EMP2: variants seen among roughly 807,000 people sequenced by gnomAD.
EMP2 encodes epithelial membrane protein 2.
A neutral mutation model predicts 13.7 loss-of-function variants in EMP2; 19 were observed. The observed-to-expected ratio is 1.38, with a 90% CI of 0.97 to 2.03. The LOEUF (loss-of-function observed/expected upper bound fraction) is 2.03. EMP2 is among the 30% of genes most tolerant of loss of function. The probability of loss-of-function intolerance (pLI) is 0.00; values close to 1 mark genes in which losing one functional copy is unlikely to be tolerated. For synonymous variants in EMP2, 97 were observed against 84.7 expected, an observed-to-expected ratio of 1.15 and a Z score of -0.80; for missense variants, 253 against 220.7, an observed-to-expected ratio of 1.15 and a Z score of -0.93.
chr16:10,543,101 T>C (rs59436197), intron 3 of EMP2, among the ~76,000 whole-genome samples: 16,995 of 152,034 alleles, frequency 0.11, 1,599 homozygotes, highest in African/African-American at 0.25. Flanking sequence ...CCGCCTCTGC[T>C]TCCCAAAGTG....
chr16:10,535,769 G>A (rs2050642310), intron 4 of EMP2, among the ~76,000 whole-genome samples: 1 of 152,146 alleles, frequency 6.6e-6, no homozygotes, highest in Admixed American at 6.5e-5. Flanking sequence ...GTGAGGGTGG[G>A]GGGTCCACGC....
chr16:10,554,024 T>C (rs1242681390), intron 1 of EMP2, among the ~76,000 whole-genome samples: 2 of 129,434 alleles, frequency 1.5e-5, no homozygotes, highest in East Asian at 2.2e-4. Context: ...AAACCTTTTT[T>C]TTCTTTCTTT....
chr16:10,567,667 C>T (rs1228078044), intron 1 of EMP2, among the ~76,000 whole-genome samples: 1 of 152,142 alleles, frequency 6.6e-6, no homozygotes, highest in Non-Finnish European at 1.5e-5. Context: ...CTAAGACCCC[C>T]TGAGGAAAAG....
At chr16:10,538,199 T>C (rs1236502944) in intron 3 of EMP2, 125 bp from the exon 4 acceptor site, 1 of 1,189,736 alleles carries the variant, frequency 8.4e-7, no homozygotes, top group East Asian at 2.4e-5. Flanking sequence ...GTTCAGGCGG[T>C]CGTCTACATG....
rs1374121600 is a variant in EMP2 at position 10,528,695 on chromosome 16, G to A, written c.*4210C>T. ...TAACTACCCTAAAGTCACAAACCAAGATTCAAAATGAACCTCTAGGCCTTG... is the reference window on the plus strand; with the variant it reads ...TAACTACCCTAAAGTCACAAACCAAAATTCAAAATGAACCTCTAGGCCTTG... On this transcript the variant is annotated 3_prime_UTR_variant, in exon 5 of 5. Transcript: ENST00000359543. The A allele has an allele frequency of 1.3e-5, 2 of 152,186 alleles. No homozygotes were observed. The highest frequency in any genetic ancestry group is 2.9e-5 in the Non-Finnish European group (2 of 68,030). The allele number at this position is 152,186 out of a possible 1,614,324, so 9.4% of individuals were successfully genotyped here. A position where few individuals can be genotyped will look rare whatever the true frequency, so the allele number is the denominator to read the frequency against.
At chr16:10,575,330 T>C (rs1242433183) in intron 1 of EMP2, among the ~76,000 whole-genome samples, 3 of 135,878 alleles carry the variant, frequency 2.2e-5, no homozygotes, top group Non-Finnish European at 4.6e-5. Context: ...CTTGGCTCAC[T>C]GCAAGCTCCG....
At chr16:10,569,312 C>A (rs751665711) in intron 1 of EMP2, among the ~76,000 whole-genome samples, 11 of 152,168 alleles carry the variant, frequency 7.2e-5, no homozygotes, top group Admixed American at 1.3e-4. Flanking sequence ...TAAATTGATT[C>A]ATTTTTAAAA....
chr16:10,536,468 T>C (rs889177752), intron 4 of EMP2, among the ~76,000 whole-genome samples: 5 of 152,076 alleles, frequency 3.3e-5, no homozygotes, highest in African/African-American at 1.2e-4. Flanking sequence ...TCTCACAAGA[T>C]ATGATGGTTT....
chr16:10,569,580 A>G (rs1333603067), intron 1 of EMP2, among the ~76,000 whole-genome samples: 1 of 152,110 alleles, frequency 6.6e-6, no homozygotes, highest in African/African-American at 2.4e-5. Context: ...TCAACCTCCC[A>G]AAGTGCTGAG....
chr16:10,543,735 G>A, intron 2 of EMP2, 75 bp from the exon 3 acceptor site: 1 of 1,384,364 alleles, frequency 7.2e-7, no homozygotes, highest in Non-Finnish European at 1.0e-6. Flanking sequence ...TTAGGCACGA[G>A]GCATGGTGGG....
intron 1 of EMP2, among the ~76,000 whole-genome samples, chr16:10,565,072 G>T (rs2050898193): frequency 6.6e-6 from 1 of 152,154 alleles, no homozygotes. Context: ...CTATTTCTTT[G>T]CTAAAACAGG....
At chr16:10,545,765 C>T (rs1005776669) in intron 2 of EMP2, 3 of 151,874 alleles carry the variant, frequency 2.0e-5, no homozygotes, top group African/African-American at 7.3e-5. Flanking sequence ...ATTCTGAAAC[C>T]ATCCCCCTGC....
In EMP2 at chr16:10,543,569, C is replaced by A; in HGVS notation, c.169+1G>T. The A allele has an allele frequency of 6.2e-7, 1 of 1,614,124 alleles. No individual in the cohort carries two copies. Among genetic ancestry groups the A allele is most frequent in the Non-Finnish European group, 8.5e-7 (1 of 1,179,938 alleles). Reference sequence around the variant, plus strand: ...AGTCAGCTTCCTTCATTCACACTTACCTTGAAAGCTGTCATTGATGACTGT... The same window carrying A: ...AGTCAGCTTCCTTCATTCACACTTAACTTGAAAGCTGTCATTGATGACTGT... On this transcript the variant is annotated splice_donor_variant, in intron 3 of 4. Coordinates refer to ENST00000359543, the MANE Select transcript of EMP2 (RefSeq NM_001424.6). LOFTEE classifies it high-confidence loss of function.
At chr16:10,547,896 G>A (rs763946493) in intron 1 of EMP2, among the ~76,000 whole-genome samples, 10 of 152,136 alleles carry the variant, frequency 6.6e-5, no homozygotes, top group South Asian at 2.1e-4. Context: ...TTAGCTGGGC[G>A]TGGTCGTCAT....
chr16:10,556,539 G>A (rs1005503246), intron 1 of EMP2, among the ~76,000 whole-genome samples: 1 of 152,202 alleles, frequency 6.6e-6, no homozygotes, highest in Non-Finnish European at 1.5e-5. Flanking sequence ...ACTGTGGGCA[G>A]GACAGAGGGG....
At chr16:10,578,695 A>G (rs551571941) in intron 1 of EMP2, among the ~76,000 whole-genome samples, 4 of 152,200 alleles carry the variant, frequency 2.6e-5, no homozygotes, top group Non-Finnish European at 5.9e-5. Flanking sequence ...GCGCACCTCA[A>G]TCTCTCCACT....
At chr16:10,572,000 T>G (rs2050951703) in intron 1 of EMP2, among the ~76,000 whole-genome samples, 1 of 152,150 alleles carries the variant, frequency 6.6e-6, no homozygotes, top group Non-Finnish European at 1.5e-5. Flanking sequence ...TCCACATTAA[T>G]AAGAGAGAGG....
chr16:10,544,972 T>G (rs990564231), intron 2 of EMP2: 1 of 152,292 alleles, frequency 6.6e-6, no homozygotes, highest in Non-Finnish European at 1.5e-5. Context: ...CCTGTGTGCT[T>G]TGGTGGCTGC....
At chr16:10,536,504 G>A (rs544386891) in intron 4 of EMP2, among the ~76,000 whole-genome samples, 1 of 152,126 alleles carries the variant, frequency 6.6e-6, no homozygotes, top group African/African-American at 2.4e-5. Flanking sequence ...CCCTGCACAC[G>A]CTCTCTTTCC....
Sources: gnomAD v4.1 joint callset for allele counts (sites outside exome capture counted in the v4.1 genomes callset) on GRCh38, gnomAD v4.1.1 for gene constraint, MANE v1.5 for transcripts, NCBI Gene and HGNC (gene_info 2026-07-23, HGNC 2026-07-21) for gene names.